Variants in CLPB observed in about 807,000 individuals in gnomAD.
CLPB encodes ClpB family mitochondrial disaggregase.
In CLPB, 40 loss-of-function variants were observed where a neutral mutation model predicts 78.4. That is an observed-to-expected ratio of 0.51 (90% CI 0.40 to 0.66). CLPB has a LOEUF of 0.66. Ranked by LOEUF, CLPB falls within the 30% of genes least tolerant of loss-of-function variation. The pLI, the probability that CLPB is intolerant of heterozygous loss-of-function variation, is 0.00. For synonymous variants in CLPB, 333 were observed against 348.0 expected (o/e 0.96, Z 0.48); for missense variants, 780 against 886.9 (o/e 0.88, Z 1.53).
chr11:72,370,535 T>C (rs1407629075), intron 4 of CLPB, among the ~76,000 whole-genome samples: 1 of 152,198 alleles, frequency 6.6e-6, no homozygotes, highest in Non-Finnish European at 1.5e-5. Flanking sequence ...GCTGTGACAT[T>C]ATTAAAAATA....
At chr11:72,388,911 G>A (rs1251844659) in intron 3 of CLPB, among the ~76,000 whole-genome samples, 1 of 152,188 alleles carries the variant, frequency 6.6e-6, no homozygotes, top group Admixed American at 6.5e-5. Context: ...CAAGGATGGT[G>A]AAAACGGGCT....
intron 6 of CLPB, among the ~76,000 whole-genome samples, chr11:72,326,679 C>G (rs563215982): frequency 6.6e-6 from 1 of 152,198 alleles, no homozygotes; most frequent in South Asian, 2.1e-4. Context: ...GGGGCCCAGG[C>G]TGGAGCTTCA....
chr11:72,348,690 T>C (rs1434611917), intron 5 of CLPB, among the ~76,000 whole-genome samples: 2 of 152,242 alleles, frequency 1.3e-5, no homozygotes, highest in African/African-American at 2.4e-5. Context: ...TGTTATCTAC[T>C]GTCCTGCACT....
chr11:72,331,391 G>A (rs1352493663), intron 5 of CLPB, among the ~76,000 whole-genome samples: 13 of 149,748 alleles, frequency 8.7e-5, no homozygotes, highest in East Asian at 2.0e-4. Context: ...GCGACAGAGC[G>A]AGACTCTGTC....
chr11:72,337,257 G>GT (rs2135563641), intron 5 of CLPB: 2 of 396,526 alleles, frequency 5.0e-6, no homozygotes, highest in African/African-American at 4.1e-5. Flanking sequence ...CTCAACATAC[G>GT]TATGTACACA....
rs145206917 is a variant in CLPB, at chr11:72,388,866, C to T, written c.543-8482G>A. On this transcript the variant is annotated intron_variant, in intron 3 of 15. Transcript: ENST00000538039. ...TATAGCATATAGCAGGGCAGAAACA[C>T]GGTAGAAGGCTAGCCAGGTTAGAGA... 6.9e-3 allele frequency among the ~76,000 whole-genome samples: 1,047 copies of T among 152,212 alleles called. 6 individuals carry two copies. Among genetic ancestry groups the T allele is most frequent in the African/African-American group, 0.011 (440 of 41,514 alleles).
intron 2 of CLPB, among the ~76,000 whole-genome samples, chr11:72,418,093 G>C (rs992542849): frequency 6.6e-6 from 1 of 152,212 alleles, no homozygotes; most frequent in Non-Finnish European, 1.5e-5. Flanking sequence ...CATGAATGGA[G>C]GATCCTGGAG....
intron 5 of CLPB, among the ~76,000 whole-genome samples, chr11:72,331,284 G>T (rs1455919831): frequency 6.6e-6 from 1 of 151,672 alleles, no homozygotes; most frequent in Non-Finnish European, 1.5e-5. Context: ...GGTACCTGTA[G>T]TCCCAGCTAC....
chr11:72,407,097 C>T (rs1176190772), intron 2 of CLPB, among the ~76,000 whole-genome samples: 1 of 152,218 alleles, frequency 6.6e-6, no homozygotes, highest in Non-Finnish European at 1.5e-5. Context: ...CTCTATCTCC[C>T]AGCCACCAAA....
At chr11:72,370,446 A>G (rs927654565) in intron 4 of CLPB, among the ~76,000 whole-genome samples, 1 of 152,224 alleles carries the variant, frequency 6.6e-6, no homozygotes, top group Non-Finnish European at 1.5e-5. Flanking sequence ...AACCAGCACT[A>G]TGGAGAAATG....
At chr11:72,372,789 C>T (rs1168833025) in intron 4 of CLPB, 2 of 745,342 alleles carry the variant, frequency 2.7e-6, no homozygotes, top group African/African-American at 3.4e-5. Flanking sequence ...ATTCTCTCTG[C>T]TATGCTTGGG....
chr11:72,344,609 G>A (rs184237682), intron 5 of CLPB, among the ~76,000 whole-genome samples: 4 of 152,166 alleles, frequency 2.6e-5, no homozygotes, highest in Admixed American at 1.3e-4. Flanking sequence ...TGTCACCGAA[G>A]CCCGAGTCCT....
chr11:72,429,744 G>A (rs1169423704), intron 2 of CLPB, among the ~76,000 whole-genome samples: 1 of 152,224 alleles, frequency 6.6e-6, no homozygotes, highest in Non-Finnish European at 1.5e-5. Context: ...TCTTGCCCTT[G>A]CCAAATAATA....
Position 72,312,044 on chromosome 11 carries a change from G to C in CLPB, c.989-3440C>G, listed in dbSNP as rs771600026. ...CATCTACCGGGTGGTATAGTGGAGAGGGCAGGAGTTACAGGATCTAGCATG... is the reference window on the plus strand; with the variant it reads ...CATCTACCGGGTGGTATAGTGGAGACGGCAGGAGTTACAGGATCTAGCATG... On this transcript the variant is annotated intron_variant, in intron 7 of 15. Transcript: ENST00000538039. This position sits in a 1 kb window ranked among gnomAD's most constrained non-coding sequence, Gnocchi z 4.2. Among the ~76,000 whole-genome samples the C allele has an allele frequency of 3.0e-4, 45 of 152,302 alleles. No individual in the cohort carries two copies. Among genetic ancestry groups the C allele is most frequent in the Admixed American group, 7.8e-4 (12 of 15,304 alleles).
intron 5 of CLPB, among the ~76,000 whole-genome samples, chr11:72,338,765 G>A (rs547383510): frequency 1.3e-5 from 2 of 152,330 alleles, no homozygotes; most frequent in Non-Finnish European, 2.9e-5. Context: ...GGCTAGAAAA[G>A]GAATGATGAT....
At chr11:72,317,889 C>T (rs557962483) in intron 6 of CLPB, among the ~76,000 whole-genome samples, 4 of 152,324 alleles carry the variant, frequency 2.6e-5, no homozygotes, top group African/African-American at 4.8e-5. Flanking sequence ...ATCCACTTCA[C>T]AAAAGGCAGC....
At position 72,307,270 on chromosome 11, in the gene CLPB, G is replaced by T. The variant is rs772920188; in HGVS notation, c.1067-16C>A. 2.5e-6 allele frequency: 4 copies of T among 1,613,450 alleles called. No individual in the cohort carries two copies. Among genetic ancestry groups the T allele is most frequent in the South Asian group, 1.1e-5 (1 of 91,032 alleles). ...TCTGTTTTTCCTAGTAAGAAAGAAG[G>T]GGGAGGTGTTGGGTTAGAACCAGGT... On this transcript the variant is annotated splice_polypyrimidine_tract_variant and intron_variant, in intron 8 of 15. Transcript: ENST00000538039.
intron 2 of CLPB, among the ~76,000 whole-genome samples, chr11:72,406,755 A>C (rs1042630615): frequency 3.9e-5 from 6 of 152,118 alleles, no homozygotes; most frequent in Admixed American, 6.5e-5. Flanking sequence ...GCACACACCC[A>C]CTCTGTGCCC....
At chr11:72,422,525 A>G (rs1434115106) in intron 2 of CLPB, among the ~76,000 whole-genome samples, 1 of 152,208 alleles carries the variant, frequency 6.6e-6, no homozygotes, top group Non-Finnish European at 1.5e-5. Flanking sequence ...CTAGCATTCA[A>G]AAAACTGTGT....
Sources: gnomAD v4.1 joint callset for allele counts (sites outside exome capture counted in the v4.1 genomes callset) on GRCh38, gnomAD v4.1.1 for gene constraint, Gnocchi (gnomAD v3.1) non-coding constraint, MANE v1.5 for transcripts, NCBI Gene and HGNC (gene_info 2026-07-23, HGNC 2026-07-21) for gene names.